POGLUT3: variants seen among roughly 807,000 people sequenced by gnomAD.
POGLUT3 encodes the protein KDEL (Lys-Asp-Glu-Leu) containing 2.
In POGLUT3, 48 loss-of-function variants were observed where a neutral mutation model predicts 54.3. The observed-to-expected ratio is 0.88, with a 90% CI of 0.70 to 1.12. POGLUT3 has a LOEUF of 1.12. POGLUT3 is among the 50% of genes most tolerant of loss of function. The probability of loss-of-function intolerance (pLI) is 0.00; values close to 1 mark genes in which losing one functional copy is unlikely to be tolerated. For missense variants in POGLUT3, 629 were observed against 618.7 expected (o/e 1.02, Z -0.18); for synonymous variants, 218 against 237.4 (o/e 0.92, Z 0.75).
At chr11:108,482,301 C>A in intron 3 of POGLUT3, 79 bp from the exon 4 acceptor site, 1 of 1,014,106 alleles carries the variant, frequency 9.9e-7, no homozygotes, top group Non-Finnish European at 1.5e-6. Flanking sequence ...CTTTGGTTTT[C>A]TTACATATTT....
At chr11:108,492,296 TG>T (rs1196492459) in intron 1 of POGLUT3, among the ~76,000 whole-genome samples, 3 of 152,214 alleles carry the variant, frequency 2.0e-5, no homozygotes, top group Non-Finnish European at 4.4e-5. Flanking sequence ...GAAATGATAC[TG>T]TTGTGATTAG....
chr11:108,477,482 G>A, intron 7 of POGLUT3, 125 bp downstream of exon 7: 1 of 644,994 alleles, frequency 1.6e-6, no homozygotes, highest in Admixed American at 2.9e-5. Flanking sequence ...CAAGTGCCTT[G>A]GCTTAGCCAG....
At chr11:108,498,073 G>C (rs1007984938) in intron 1 of POGLUT3, 92 bp downstream of exon 1, 9 of 1,140,170 alleles carry the variant, frequency 7.9e-6, no homozygotes, top group Non-Finnish European at 1.1e-5. Flanking sequence ...CGCCGGGGAG[G>C]GACGCCACGC....
At chr11:108,488,712 C>A (rs563739464) in intron 2 of POGLUT3, among the ~76,000 whole-genome samples, 1 of 151,944 alleles carries the variant, frequency 6.6e-6, no homozygotes, top group East Asian at 1.9e-4. Context: ...TTAGGTATAA[C>A]ATTTAAATAT....
intron 2 of POGLUT3, chr11:108,486,719 C>A: frequency 8.2e-6 from 3 of 365,096 alleles, no homozygotes; most frequent in Non-Finnish European, 4.9e-6. Flanking sequence ...AAATGGCTGG[C>A]AAACATGAAA....
chr11:108,498,037 G>C, intron 1 of POGLUT3, 128 bp downstream of exon 1: 2 of 767,148 alleles, frequency 2.6e-6, no homozygotes, highest in Non-Finnish European at 3.9e-6. Flanking sequence ...AAGAGGAGCT[G>C]ACCAGACCCA....
In POGLUT3 at chr11:108,477,542, T is replaced by C. The variant is rs952742672; in HGVS notation, c.1398+65A>G. On this transcript the variant is annotated intron_variant, in intron 7 of 7. Transcript: ENST00000323468. ...CCTTCAGGAAGCCAGGCAGGAAGTG[T>C]ACAGGCCAAGCGGGTAGTCTGAGGA... 1.5e-5 allele frequency: 14 copies of C among 947,688 alleles called. 1 individual carries two copies. In the African/African-American group the frequency reaches 1.6e-4, roughly 11 times the overall value. 58.7% of individuals were successfully genotyped at this position (947,688 alleles called of 1,614,324 possible). A position where few individuals can be genotyped will look rare whatever the true frequency, so the allele number is the denominator to read the frequency against.
Position 108,486,329 on chromosome 11 carries a change from G to C in POGLUT3, c.512C>G (p.Pro171Arg), listed in dbSNP as rs1458584783. 4.3e-6 allele frequency: 7 copies of C among 1,613,972 alleles called. No homozygotes were observed. Among genetic ancestry groups the C allele is most frequent in the South Asian group, 1.1e-5 (1 of 91,076 alleles). The part of the protein sequence containing the change: ...PQIAKDFASF[P>R]SINLQQMLKE... ...TAGCATTTGCTGGAGATTGATGCTG[G>C]GAAAGGAAGCAAAATCTTTTGCAAT... The change falls in exon 3 of 8, where the codon CCC becomes CGC. Residue 171 changes from proline (P) to arginine (R), a missense_variant. By Grantham distance (103) the Pro-to-Arg change is moderately radical. Transcript: ENST00000323468.
At chr11:108,477,160 G>A (rs1428381667) in intron 7 of POGLUT3, among the ~76,000 whole-genome samples, 1 of 152,172 alleles carries the variant, frequency 6.6e-6, no homozygotes, top group East Asian at 1.9e-4. Flanking sequence ...CAGCACTTCA[G>A]GAGGCCAAGG....
In POGLUT3 at chr11:108,490,881, A is replaced by G; in HGVS notation, c.400+89T>C. 4 of 872,406 alleles carry G rather than the reference A, an allele frequency of 4.6e-6. No homozygotes were observed. The South Asian group carries it at 6.2e-5, about 14-fold the overall frequency. The allele number at this position is 872,406 out of a possible 1,614,324, so 54.0% of individuals were successfully genotyped here. ...GTATACAATGTTTACTTTACTGCAC[A>G]TGACTTTGAGGTCATCAGGTTTAGG... On this transcript the variant is annotated intron_variant, in intron 2 of 7. Coordinates refer to ENST00000323468, the MANE Select transcript of POGLUT3 (RefSeq NM_153705.5).
chr11:108,481,802 G>A (rs777451986), intron 4 of POGLUT3, among the ~76,000 whole-genome samples: 4 of 152,162 alleles, frequency 2.6e-5, no homozygotes, highest in Non-Finnish European at 4.4e-5. Context: ...ACAATAAAAC[G>A]TGAGCTAGCC....
At chr11:108,494,580 T>C (rs2093618916) in intron 1 of POGLUT3, among the ~76,000 whole-genome samples, 1 of 152,254 alleles carries the variant, frequency 6.6e-6, no homozygotes, top group Non-Finnish European at 1.5e-5. Flanking sequence ...TTAGCTTCAC[T>C]GAGCCCAGTT....
intron 3 of POGLUT3, among the ~76,000 whole-genome samples, chr11:108,482,965 C>T (rs1401519473): frequency 1.3e-5 from 2 of 152,102 alleles, no homozygotes; most frequent in Non-Finnish European, 2.9e-5. Context: ...TCCATCTCCA[C>T]GGTCAATGTC....
chr11:108,498,073 G>A, intron 1 of POGLUT3, 92 bp downstream of exon 1: 4 of 1,140,282 alleles, frequency 3.5e-6, no homozygotes, highest in Non-Finnish European at 4.7e-6. Flanking sequence ...CGCCGGGGAG[G>A]GACGCCACGC....
intron 5 of POGLUT3, 46 bp downstream of exon 5, chr11:108,481,134 A>G: frequency 6.8e-7 from 1 of 1,461,212 alleles, no homozygotes; most frequent in South Asian, 1.3e-5. Context: ...GACTTTTAAT[A>G]CAATTTTATC....
intron 2 of POGLUT3, among the ~76,000 whole-genome samples, chr11:108,490,178 C>T (rs955163241): frequency 1.3e-5 from 2 of 152,130 alleles, no homozygotes; most frequent in African/African-American, 4.8e-5. Context: ...TGCACATGGC[C>T]TAGCCCAGCA....
chr11:108,491,092 A>G lies in POGLUT3; in HGVS notation c.278T>C (p.Leu93Ser). The G allele has an allele frequency of 1.2e-6, 2 of 1,614,002 alleles. No homozygotes were observed. The highest frequency in any genetic ancestry group is 1.7e-6 in the Non-Finnish European group (2 of 1,179,862). The change falls in exon 2 of 8, where the codon TTG becomes TCG. Residue 93 changes from leucine to serine, a missense_variant. Transcript: ENST00000323468. ...CAAAAATGTTCCATCATTCCTGTCC[A>G]AAGGTTTAGGGACATGTATCCGGAC... is the stretch of plus-strand genomic sequence containing the variant. ...ELVRIHVPKP[L>S]DRNDGTFLMR...
chr11:108,475,036 C>A, intron 7 of POGLUT3, 84 bp from the exon 8 acceptor site: 1 of 1,425,690 alleles, frequency 7.0e-7, no homozygotes, highest in Non-Finnish European at 9.7e-7. Flanking sequence ...TCCGCAGTCA[C>A]GCCATCTTTT....
rs1437753253 is a variant in POGLUT3 at position 108,473,296 on chromosome 11, A to G, written c.*1531T>C. 6.6e-6 allele frequency: 1 copy of G among 152,310 alleles called. No individual in the cohort carries two copies. The highest frequency in any genetic ancestry group is 1.5e-5 in the Non-Finnish European group (1 of 68,132). 9.4% of individuals were successfully genotyped at this position (152,310 alleles called of 1,614,324 possible). The stretch of plus-strand genomic sequence containing the variant: ...GGTCTCAAACTCCTGACCTCAAAAG[A>G]TCCGCCCATCTCGGCCTGCCAAAGT... On this transcript the variant is annotated 3_prime_UTR_variant, in exon 8 of 8. Transcript: ENST00000323468.
Sources: gnomAD v4.1 joint callset for allele counts (sites outside exome capture counted in the v4.1 genomes callset) on GRCh38, gnomAD v4.1.1 for gene constraint, MANE v1.5 for transcripts, NCBI Gene and HGNC (gene_info 2026-07-23, HGNC 2026-07-21) for gene names.